The following FCGR3B variants were observed in gnomAD, a reference collection of about 807,000 sequenced individuals.
The protein encoded by FCGR3B is Fc gamma receptor IIIb, also known as low affinity immunoglobulin gamma Fc region receptor III-B.
A neutral mutation model predicts 26.7 loss-of-function variants in FCGR3B; 20 were observed. The observed-to-expected ratio is 0.75, with a 90% confidence interval of 0.53 to 1.09. The LOEUF (loss-of-function observed/expected upper bound fraction) is 1.09. FCGR3B is among the 50% of genes least tolerant of loss of function. The pLI is 0.00. For synonymous variants in FCGR3B, 79 were observed against 107.0 expected, an observed-to-expected ratio of 0.74 and a Z score of 1.62; for missense variants, 191 against 279.7, an observed-to-expected ratio of 0.68 and a Z score of 2.26.
Position 161,626,230 on chromosome 1 carries a change from G to A in FCGR3B, c.492C>T (p.Leu164=). 1 of 1,608,726 alleles carries A rather than the reference G, an allele frequency of 6.2e-7. No individual in the cohort carries two copies. The highest frequency in any genetic ancestry group is 8.5e-7 in the Non-Finnish European group (1 of 1,177,654). The change falls in exon 4 of 5, where the codon CTC becomes CTT. Residue 164 remains leucine, a synonymous_variant. Coordinates refer to ENST00000650385, the MANE Select transcript of FCGR3B (RefSeq NM_001244753.2). ...NSDFHIPKAT[L]KDSGSYFCRG... is the part of the protein sequence containing the mutation. ...TGCAGAAGTAGGAGCCGCTATCTTT[G>A]AGTGTGGCTTTTGGAATGTGGAAGT...
intron 3 of FCGR3B, among the ~76,000 whole-genome samples, chr1:161,627,799 G>A (rs1465229190): frequency 6.7e-6 from 1 of 150,120 alleles, no homozygotes; most frequent in Non-Finnish European, 1.5e-5. Context: ...ACACACTGTG[G>A]ACTGGAGATA....
rs1679293224 is a variant in FCGR3B at position 161,623,282 on chromosome 1, C to G, written c.*1233G>C. ...GATCTTGTAAAATGCTTTATTGGAA[C>G]CAAGAAATGTTGCACTGAAAGCTTA... On this transcript the variant is annotated 3_prime_UTR_variant, in exon 5 of 5. Transcript: ENST00000650385. The G allele has an allele frequency of 3.3e-5, 5 of 150,238 alleles. 1 individual carries two copies. The highest frequency in any genetic ancestry group is 4.4e-5 in the Non-Finnish European group (3 of 67,710). 9.3% of individuals were successfully genotyped at this position (150,238 alleles called of 1,614,324 possible). A position where few individuals can be genotyped will look rare whatever the true frequency, so the allele number is the denominator to read the frequency against.
Position 161,624,304 on chromosome 1 carries a change from A to G in FCGR3B, c.*211T>C, listed in dbSNP as rs1679349411. 1.7e-6 allele frequency: 1 copy of G among 598,640 alleles called. No individual in the cohort carries two copies. Among genetic ancestry groups the G allele is most frequent in the Non-Finnish European group, 2.8e-6 (1 of 355,060 alleles). 37.1% of individuals were successfully genotyped at this position (598,640 alleles called of 1,614,324 possible). On this transcript the variant is annotated 3_prime_UTR_variant, in exon 5 of 5. Coordinates refer to ENST00000650385, the MANE Select transcript of FCGR3B (RefSeq NM_001244753.2). ...TTTTCCCTTCCACTGGAGACCAAGG[A>G]AAAATCGAGAGTTGGATAAAGGATC...
upstream of FCGR3B, chr1:161,631,580 G>C (rs35089383): frequency 0.35 from 122,665 of 354,204 alleles, 20,356 homozygotes; most frequent in East Asian, 0.6. Context: ...TCTATCTCCA[G>C]CCGAGGCCCT....
chr1:161,627,125 A>G lies in FCGR3B; in HGVS notation c.320-723T>C, dbSNP rs1278822360. Reference sequence around the variant, plus strand: ...AGTAATCAGACTTCACAAAGAGAGAACATGAGGTCATGGTCGGGAAATGGC... The same window carrying G: ...AGTAATCAGACTTCACAAAGAGAGAGCATGAGGTCATGGTCGGGAAATGGC... On this transcript the variant is annotated intron_variant, in intron 3 of 4. Coordinates refer to ENST00000650385, the MANE Select transcript of FCGR3B (RefSeq NM_001244753.2). 2.0e-5 allele frequency among the ~76,000 whole-genome samples: 3 copies of G among 150,194 alleles called. 1 individual carries two copies. Among genetic ancestry groups the G allele is most frequent in the African/African-American group, 5.0e-5 (2 of 40,324 alleles).
rs766880686 is a variant in FCGR3B at position 161,626,326 on chromosome 1, C to A, written c.396G>T (p.Lys132Asn). ...ATGTGACCTTATGCAGAGCAGTGTT[C>A]TTCCAGCTGTGACACCTCAGGTGAA... ...DPIHLRCHSW[K>N]NTALHKVTYL... is the part of the protein sequence containing the mutation. The change falls in exon 4 of 5, where the codon AAG becomes AAT. Residue 132 changes from lysine to asparagine, a missense_variant. Lys to Asn is a moderately conservative substitution (Grantham distance 94, BLOSUM62 0). Around this residue, in one of 2 missense-constraint regions of FCGR3B, gnomAD observed 88 missense variants for 165.2 expected, o/e 0.53. Coordinates refer to ENST00000650385, the MANE Select transcript of FCGR3B (RefSeq NM_001244753.2). 1 of 1,609,028 alleles carries A rather than the reference C, an allele frequency of 6.2e-7. No homozygotes were observed. Among genetic ancestry groups the A allele is most frequent in the Non-Finnish European group, 8.5e-7 (1 of 1,177,844 alleles).
At chr1:161,626,957 CG>C (rs1395692646) in intron 3 of FCGR3B, among the ~76,000 whole-genome samples, 1 of 149,856 alleles carries the variant, frequency 6.7e-6, no homozygotes, top group Admixed American at 6.7e-5. Flanking sequence ...TGGCGAAGGG[CG>C]GGACTGGTAG....
At chr1:161,631,381 A>G, upstream of FCGR3B, 1 of 646,730 alleles carries the variant, frequency 1.5e-6, no homozygotes, top group Non-Finnish European at 2.6e-6. Context: ...GGACACACAC[A>G]GAATCTGCCA....
chr1:161,626,080 C>A, intron 4 of FCGR3B, 65 bp downstream of exon 4: 1 of 1,563,886 alleles, frequency 6.4e-7, no homozygotes, highest in South Asian at 1.2e-5. Context: ...AACTCAACTT[C>A]CCAGTGTGAG....
chr1:161,626,175 A>C lies in FCGR3B; in HGVS notation c.547T>G (p.Ser183Ala), dbSNP rs1346803861. 6.2e-7 allele frequency: 1 copy of C among 1,609,538 alleles called. No individual in the cohort carries two copies. Among genetic ancestry groups the C allele is most frequent in the African/African-American group, 1.4e-5 (1 of 73,520 alleles). The change falls in exon 4 of 5, where the codon TCA becomes GCA. Residue 183 changes from serine (S) to alanine (A), a missense_variant. Ser to Ala is a moderately conservative substitution (Grantham distance 99). Coordinates refer to ENST00000650385, the MANE Select transcript of FCGR3B (RefSeq NM_001244753.2). The part of the protein sequence containing the change: ...RGLVGSKNVS[S>A]ETVNITITQG... ...GTGATGGTGATGTTCACAGTCTCTG[A>C]AGACACATTTTTACTCCCAACAAGC...
chr1:161,628,704 C>A (rs918532273), intron 3 of FCGR3B, among the ~76,000 whole-genome samples: 2 of 143,966 alleles, frequency 1.4e-5, no homozygotes, highest in African/African-American at 5.3e-5. Flanking sequence ...CTCCTTATGC[C>A]CTTCTTCCCC....
intron 3 of FCGR3B, among the ~76,000 whole-genome samples, chr1:161,628,483 C>T (rs1033813790): frequency 7.4e-5 from 11 of 149,578 alleles, no homozygotes; most frequent in African/African-American, 1.5e-4. Flanking sequence ...CTAGTAACTC[C>T]TAGACTTGAT....
chr1:161,627,904 C>T lies in FCGR3B; in HGVS notation c.320-1502G>A, dbSNP rs542871096. Among the ~76,000 whole-genome samples the T allele has an allele frequency of 5.3e-5, 8 of 150,136 alleles. 1 individual carries two copies. The highest frequency in any genetic ancestry group is 4.2e-4 in the South Asian group (2 of 4,708). On this transcript the variant is annotated intron_variant, in intron 3 of 4. Coordinates refer to ENST00000650385, the MANE Select transcript of FCGR3B (RefSeq NM_001244753.2). The stretch of plus-strand genomic sequence containing the variant: ...CAGAAATAATCACAATACAATATGA[C>T]GAGTGCTACAACAGGCTAAGAATAA...
At chr1:161,628,849 A>G (rs1329833077) in intron 3 of FCGR3B, among the ~76,000 whole-genome samples, 1 of 144,802 alleles carries the variant, frequency 6.9e-6, no homozygotes, top group Non-Finnish European at 1.5e-5. Flanking sequence ...CCTGCCTTCA[A>G]AATATTTCTC....
rs1357300142 is a variant in FCGR3B at position 161,623,216 on chromosome 1, T to C, written c.*1299A>G. 4.0e-5 allele frequency: 6 copies of C among 149,690 alleles called. No homozygotes were observed. The highest frequency in any genetic ancestry group is 1.5e-4 in the African/African-American group (6 of 40,046). 9.3% of individuals were successfully genotyped at this position (149,690 alleles called of 1,614,324 possible). A position where few individuals can be genotyped will look rare whatever the true frequency, so the allele number is the denominator to read the frequency against. Reference sequence around the variant, plus strand: ...AAGAATTTTATCATTCATATTTTATTACCATGGTTTTGCCATCTTCTATCT... The same window carrying C: ...AAGAATTTTATCATTCATATTTTATCACCATGGTTTTGCCATCTTCTATCT... On this transcript the variant is annotated 3_prime_UTR_variant, in exon 5 of 5. Transcript: ENST00000650385.
rs773840391 is a variant in FCGR3B at position 161,626,114 on chromosome 1, C to T, written c.577+31G>A. ...AGTGCAGGTTCCACACACAGGCGTCCCTGGGCATTCCAGGGTGGCACATGT... is the reference window on the plus strand; with the variant it reads ...AGTGCAGGTTCCACACACAGGCGTCTCTGGGCATTCCAGGGTGGCACATGT... On this transcript the variant is annotated intron_variant, in intron 4 of 4. Coordinates refer to ENST00000650385, the MANE Select transcript of FCGR3B (RefSeq NM_001244753.2). 107 of 1,601,248 alleles carry T rather than the reference C, an allele frequency of 6.7e-5. 1 individual carries two copies. The highest frequency in any genetic ancestry group is 8.9e-5 in the Non-Finnish European group (105 of 1,173,736).
chr1:161,627,172 G>T (rs150639261), intron 3 of FCGR3B, among the ~76,000 whole-genome samples: 3 of 150,234 alleles, frequency 2.0e-5, no homozygotes, highest in Non-Finnish European at 3.0e-5. Flanking sequence ...AAAAAATAAT[G>T]ATGTTATAGG....
At chr1:161,631,688 T>G, upstream of FCGR3B, among the ~76,000 whole-genome samples, 1 of 126,678 alleles carries the variant, frequency 7.9e-6, no homozygotes, top group Admixed American at 8.6e-5. Flanking sequence ...AAATTCAAAA[T>G]TCAAAATCTA....
At chr1:161,628,343 A>C (rs1679579896) in intron 3 of FCGR3B, among the ~76,000 whole-genome samples, 1 of 150,116 alleles carries the variant, frequency 6.7e-6, no homozygotes, top group Non-Finnish European at 1.5e-5. Flanking sequence ...ACATAAGTGA[A>C]ATGGGTCCTA....
Sources: allele counts gnomAD v4.1 joint callset (sites outside exome capture counted in the v4.1 genomes callset), GRCh38; gene constraint gnomAD v4.1.1; regional missense constraint gnomAD v4.1.1; transcripts MANE v1.5; gene names NCBI Gene and HGNC (gene_info 2026-07-23, HGNC 2026-07-21).